Variants in CDH13 observed in about 807,000 individuals in gnomAD.
CDH13 encodes cadherin 13.
Under a neutral mutation model 63.8 loss-of-function variants are expected in CDH13, and 24 were observed. The observed-to-expected ratio is 0.38, with a 90% CI of 0.27 to 0.53. The LOEUF is 0.53. Among genes scored for constraint, CDH13 ranks in the 20% least tolerant of loss-of-function variants. The pLI, the probability that CDH13 is intolerant of heterozygous loss-of-function variation, is 0.85. For missense variants in CDH13, 1,049 were observed against 903.1 expected (o/e 1.16, Z -2.07); for synonymous variants, 503 against 355.3 (o/e 1.42, Z -4.67).
In CDH13 at chr16:83,535,959, A is replaced by C. The variant is rs954176817; in HGVS notation, c.960+49304A>C. The stretch of plus-strand genomic sequence containing the variant: ...GGAAAGGAAGGAAGGAAGGAAGAAA[A>C]GAAAAGAAAAGAAAAGAAAGAAACC... On this transcript the variant is annotated intron_variant, in intron 7 of 13. Coordinates refer to ENST00000567109, the MANE Select transcript of CDH13 (RefSeq NM_001257.5). 1.3e-4 allele frequency among the ~76,000 whole-genome samples: 20 copies of C among 151,596 alleles called. No individual in the cohort carries two copies. The East Asian group carries it at 3.9e-3, about 30-fold the overall frequency.
chr16:82,705,433 C>T (rs920052263), intron 1 of CDH13, among the ~76,000 whole-genome samples: 1 of 152,194 alleles, frequency 6.6e-6, no homozygotes, highest in African/African-American at 2.4e-5. Context: ...GCACGACAAC[C>T]CGGGATCCTA....
chr16:83,441,578 G>A, intron 6 of CDH13, among the ~76,000 whole-genome samples: 1 of 151,878 alleles, frequency 6.6e-6, no homozygotes, highest in Non-Finnish European at 1.5e-5. Flanking sequence ...ACATTTTTTT[G>A]CATGCCATTC....
intron 10 of CDH13, among the ~76,000 whole-genome samples, chr16:83,680,912 C>A (rs968678345): frequency 1.3e-5 from 2 of 152,024 alleles, no homozygotes; most frequent in African/African-American, 2.4e-5. Context: ...TCTGGCTCTG[C>A]TCTCCCCTGG....
At chr16:82,760,410 A>G (rs2034788689) in intron 1 of CDH13, among the ~76,000 whole-genome samples, 1 of 152,154 alleles carries the variant, frequency 6.6e-6, no homozygotes, top group African/African-American at 2.4e-5. Flanking sequence ...TGTAAAATTC[A>G]CCATTGTTTA....
intron 2 of CDH13, among the ~76,000 whole-genome samples, chr16:82,865,472 C>T (rs1369096843): frequency 6.6e-6 from 1 of 152,226 alleles, no homozygotes; most frequent in Non-Finnish European, 1.5e-5. Context: ...GGCCCAACAC[C>T]ACGTGTAATA....
At chr16:83,034,702 C>T (rs957351453) in intron 3 of CDH13, among the ~76,000 whole-genome samples, 5 of 152,132 alleles carry the variant, frequency 3.3e-5, no homozygotes, top group Non-Finnish European at 4.4e-5. Context: ...AAGATACTGT[C>T]ATCGTATTTT....
chr16:83,601,439 T>C (rs1907785800), intron 7 of CDH13, among the ~76,000 whole-genome samples: 1 of 152,230 alleles, frequency 6.6e-6, no homozygotes, highest in Non-Finnish European at 1.5e-5. Context: ...GAGAGAATAG[T>C]GCAATATTGC....
chr16:82,631,103 G>C (rs1907955874), intron 1 of CDH13, among the ~76,000 whole-genome samples: 1 of 152,062 alleles, frequency 6.6e-6, no homozygotes, highest in Non-Finnish European at 1.5e-5. Flanking sequence ...TTGCTCTCTT[G>C]CTTTCTCGCT....
At chr16:83,666,854 C>T (rs975661218) in intron 8 of CDH13, among the ~76,000 whole-genome samples, 3 of 151,892 alleles carry the variant, frequency 2.0e-5, no homozygotes, top group African/African-American at 7.3e-5. Flanking sequence ...CACACACAGA[C>T]TCCCCAAGAA....
At chr16:83,162,252 T>C (rs748603953) in intron 4 of CDH13, among the ~76,000 whole-genome samples, 4 of 152,126 alleles carry the variant, frequency 2.6e-5, no homozygotes, top group Non-Finnish European at 5.9e-5. Context: ...TTCATCACCA[T>C]TGTCCTCATC....
At chr16:83,174,003 T>C (rs1305691751) in intron 4 of CDH13, among the ~76,000 whole-genome samples, 1 of 151,966 alleles carries the variant, frequency 6.6e-6, no homozygotes, top group African/African-American at 2.4e-5. Flanking sequence ...ACAATAACAA[T>C]CCTCCTCCAG....
At chr16:83,227,584 C>T (rs1276597204) in intron 5 of CDH13, among the ~76,000 whole-genome samples, 2 of 152,208 alleles carry the variant, frequency 1.3e-5, no homozygotes, top group African/African-American at 2.4e-5. Flanking sequence ...CTGCCCACTG[C>T]TTCCTGTTTA....
chr16:82,627,262 G>A (rs918831289), intron 1 of CDH13, 125 bp downstream of exon 1: 7 of 797,186 alleles, frequency 8.8e-6, no homozygotes, highest in African/African-American at 8.6e-5. Context: ...AAGACAGATC[G>A]GGGCTCGGTA....
At chr16:83,113,722 G>T (rs1326164872) in intron 3 of CDH13, among the ~76,000 whole-genome samples, 1 of 152,086 alleles carries the variant, frequency 6.6e-6, no homozygotes, top group African/African-American at 2.4e-5. Flanking sequence ...TGGGTGGGGG[G>T]TTAACCAGGC....
chr16:83,792,186 C>T (rs971650274), intron 13 of CDH13, among the ~76,000 whole-genome samples: 9 of 152,234 alleles, frequency 5.9e-5, no homozygotes, highest in African/African-American at 1.9e-4. Flanking sequence ...CTGCAGACGG[C>T]CGCGGTCATG....
chr16:83,001,629 G>T (rs1422394299), intron 2 of CDH13, among the ~76,000 whole-genome samples: 1 of 152,230 alleles, frequency 6.6e-6, no homozygotes, highest in African/African-American at 2.4e-5. Flanking sequence ...CCATGTTAAT[G>T]GATGTGCCAC....
At chr16:82,879,751 A>G (rs2040627951) in intron 2 of CDH13, among the ~76,000 whole-genome samples, 1 of 138,780 alleles carries the variant, frequency 7.2e-6, no homozygotes, top group Admixed American at 7.5e-5. Context: ...ATATATGAGT[A>G]TATAACATAT....
intron 4 of CDH13, among the ~76,000 whole-genome samples, chr16:83,146,539 T>G (rs1387383130): frequency 2.6e-5 from 4 of 152,254 alleles, no homozygotes; most frequent in Non-Finnish European, 5.9e-5. Context: ...TTAAGCTAAC[T>G]ATATCTGTCA....
chr16:83,515,922 A>C (rs1235938699), intron 7 of CDH13, among the ~76,000 whole-genome samples: 1 of 152,244 alleles, frequency 6.6e-6, no homozygotes, highest in African/African-American at 2.4e-5. Context: ...AGAAAAAGAA[A>C]AGAAATGATA....
Sources: gnomAD v4.1 joint callset for allele counts (sites outside exome capture counted in the v4.1 genomes callset) on GRCh38, gnomAD v4.1.1 for gene constraint, MANE v1.5 for transcripts, NCBI Gene and HGNC (gene_info 2026-07-23, HGNC 2026-07-21) for gene names.